MUC4: variants seen among roughly 807,000 people sequenced by gnomAD.
MUC4 encodes mucin 4, cell surface associated, also known as mucin-4.
A neutral mutation model predicts 257.9 loss-of-function variants in MUC4; 202 were observed. The observed-to-expected ratio is 0.78, with a 90% confidence interval of 0.70 to 0.88. MUC4 has a LOEUF of 0.88. Among genes scored for constraint, MUC4 ranks in the 40% least tolerant of loss-of-function variants. The probability of loss-of-function intolerance (pLI) is 0.00; values close to 1 mark genes in which losing one functional copy is unlikely to be tolerated. For synonymous variants in MUC4, 2,351 were observed against 2,757.1 expected (o/e 0.85, Z 4.62); for missense variants, 5,976 against 6,513.7 (o/e 0.92, Z 2.84).
chr3:195,753,458 T>C, intron 19 of MUC4: 1 of 541,530 alleles, frequency 1.8e-6, no homozygotes, highest in Non-Finnish European at 3.2e-6. Flanking sequence ...CTGGAGTGTT[T>C]CTCAGACCCT....
chr3:195,766,767 G>C lies in MUC4; in HGVS notation c.13530-16C>G, dbSNP rs1196419013. On this transcript the variant is annotated splice_polypyrimidine_tract_variant and intron_variant, in intron 7 of 24. Transcript: ENST00000463781. Reference sequence around the variant, plus strand: ...GCCATCTCCACTGCAGGAAAGGAGAGACTCTCAGGCCTCTGCCGTGCACAG... The same window carrying C: ...GCCATCTCCACTGCAGGAAAGGAGACACTCTCAGGCCTCTGCCGTGCACAG... 1 of 1,611,712 alleles carries C rather than the reference G, an allele frequency of 6.2e-7. No homozygotes were observed.
Position 195,779,624 on chromosome 3 carries a change from G to T in MUC4, c.11956C>A (p.Pro3986Thr). 1 of 1,083,880 alleles carries T rather than the reference G, an allele frequency of 9.2e-7. No homozygotes were observed. The highest frequency in any genetic ancestry group is 1.2e-6 in the Non-Finnish European group (1 of 804,460). 67.1% of individuals were successfully genotyped at this position (1,083,880 alleles called of 1,614,324 possible). The change falls in exon 2 of 25, where the codon CCT becomes ACT. Residue 3986 changes from proline to threonine, a missense_variant. Physicochemically the swap from Pro to Thr is conservative, Grantham distance 38 (BLOSUM62 -1). Coordinates refer to ENST00000463781, the MANE Select transcript of MUC4 (RefSeq NM_018406.7). ...SASTGHATPL[P>T]VTDTSSVSTG... Reference sequence around the variant, plus strand: ...GATACTGAGGAAGTGTCGGTGACAGGAAGGGGGGTGGCGTGACCTGTGGAT... The same window carrying T: ...GATACTGAGGAAGTGTCGGTGACAGTAAGGGGGGTGGCGTGACCTGTGGAT...
chr3:195,749,208 A>G, intron 23 of MUC4, 144 bp from the exon 24 acceptor site: 1 of 1,033,592 alleles, frequency 9.7e-7, no homozygotes, highest in Non-Finnish European at 1.4e-6. Context: ...GGACGTTCAG[A>G]TCAGCATGGT....
At chr3:195,791,656 A>G (rs995994432) in intron 1 of MUC4, among the ~76,000 whole-genome samples, 159 bp from the exon 2 acceptor site, 3 of 152,206 alleles carry the variant, frequency 2.0e-5, no homozygotes, top group Admixed American at 2.0e-4. Context: ...TAAAATTCAT[A>G]TGGAATCAAA....
intron 21 of MUC4, chr3:195,751,806 C>T (rs537872136): frequency 5.0e-6 from 1 of 199,022 alleles, no homozygotes; most frequent in South Asian, 1.1e-4. Flanking sequence ...AGGCACTGGA[C>T]TAAATGCTTG....
chr3:195,771,503 G>T, intron 5 of MUC4, 149 bp downstream of exon 5: 1 of 927,200 alleles, frequency 1.1e-6, no homozygotes, highest in Non-Finnish European at 1.6e-6. Context: ...AATGTCCCTT[G>T]ACTGCTTCCT....
At position 195,791,328 on chromosome 3, in the gene MUC4, G is replaced by C. The variant is rs531979630; in HGVS notation, c.252C>G (p.Thr84=). ...GGGTGTCGGTTTGAGCTTTGCTGGTGGTCTCCGTGCTCTTAGTCTGGTGGT... is the reference window on the plus strand; with the variant it reads ...GGGTGTCGGTTTGAGCTTTGCTGGTCGTCTCCGTGCTCTTAGTCTGGTGGT... ...SQNHQTKSTE[T]TSKAQTDTLT... is the part of the protein sequence containing the mutation. The change falls in exon 2 of 25, where the codon ACC becomes ACG. Residue 84 remains threonine (T), a synonymous_variant. Transcript: ENST00000463781. 6.2e-7 allele frequency: 1 copy of C among 1,613,914 alleles called. No homozygotes were observed. Among genetic ancestry groups the C allele is most frequent in the African/African-American group, 1.3e-5 (1 of 74,996 alleles).
intron 14 of MUC4, 26 bp from the exon 15 acceptor site, chr3:195,761,611 C>T (rs746243468): frequency 1.9e-6 from 3 of 1,560,886 alleles, no homozygotes; most frequent in Non-Finnish European, 2.6e-6. Flanking sequence ...GGAGGTTGGC[C>T]ACCCTGGGCA....
intron 16 of MUC4, among the ~76,000 whole-genome samples, chr3:195,759,775 C>G (rs1270093844): frequency 6.6e-6 from 1 of 152,088 alleles, no homozygotes; most frequent in African/African-American, 2.4e-5. Context: ...CAAAATTAGT[C>G]AGGCATGGTG....
At chr3:195,801,220 A>G (rs1735264812) in intron 1 of MUC4, among the ~76,000 whole-genome samples, 1 of 152,156 alleles carries the variant, frequency 6.6e-6, no homozygotes, top group African/African-American at 2.4e-5. Flanking sequence ...GTTCCGTCAG[A>G]TTGTCAGACA....
At chr3:195,770,982 C>A in intron 5 of MUC4, 1 of 363,108 alleles carries the variant, frequency 2.8e-6, no homozygotes, top group Non-Finnish European at 5.6e-6. Context: ...GTCAGTCTCG[C>A]GGCCGGGTTG....
At position 195,791,350 on chromosome 3, in the gene MUC4, T is replaced by A; in HGVS notation, c.230A>T (p.His77Leu). ...NQDISASSQN[H>L]QTKSTETTSK... ...GGTGGTCTCCGTGCTCTTAGTCTGG[T>A]GGTTCTGAGATGAAGCTGATATGTC... Residue 77 changes from histidine (H) to leucine (L), a missense_variant, in exon 2 of 25, where the codon CAC becomes CTC. Around this residue, in one of 44 missense-constraint regions of MUC4, gnomAD observed 1,583 missense variants for 1,257.4 expected, o/e 1.26. Coordinates refer to ENST00000463781, the MANE Select transcript of MUC4 (RefSeq NM_018406.7). 6.2e-7 allele frequency: 1 copy of A among 1,613,936 alleles called. No individual in the cohort carries two copies. Among genetic ancestry groups the A allele is most frequent in the Non-Finnish European group, 8.5e-7 (1 of 1,179,866 alleles).
rs1420038383 is a variant in MUC4, at chr3:195,790,880, T to C, written c.700A>G (p.Thr234Ala). Residue 234 changes from threonine to alanine, a missense_variant, in exon 2 of 25, where the codon ACT (threonine) becomes GCT (alanine). Physicochemically the swap from Thr to Ala is moderately conservative, Grantham distance 58. Transcript: ENST00000463781. Reference sequence around the variant, plus strand: ...GAAGGAGATGTCTTCTGAGAAACAGTCCCTGTCACATTGTGTACACTTGGA... The same window carrying C: ...GAAGGAGATGTCTTCTGAGAAACAGCCCCTGTCACATTGTGTACACTTGGA... ...FSPSVHNVTG[T>A]VSQKTSPSGE... The C allele has an allele frequency of 3.1e-6, 5 of 1,613,882 alleles. No homozygotes were observed. Among genetic ancestry groups the C allele is most frequent in the Non-Finnish European group, 4.2e-6 (5 of 1,179,902 alleles).
chr3:195,750,339 A>T (rs1386063058), intron 23 of MUC4: 4 of 95,688 alleles, frequency 4.2e-5, no homozygotes, highest in Non-Finnish European at 6.2e-5. Flanking sequence ...GGCCTCGGGG[A>T]GGTGCTGGGG....
At chr3:195,798,672 C>A (rs986138347) in intron 1 of MUC4, among the ~76,000 whole-genome samples, 2 of 151,976 alleles carry the variant, frequency 1.3e-5, no homozygotes, top group Non-Finnish European at 1.5e-5. Flanking sequence ...CCACTGCACT[C>A]CTGCCTGGGT....
rs1399869604 is a variant in MUC4 at position 195,780,283 on chromosome 3, G to C, written c.11297C>G (p.Ala3766Gly). Residue 3766 changes from alanine to glycine, a missense_variant, in exon 2 of 25, where the codon GCT becomes GGT. Around this residue, in one of 44 missense-constraint regions of MUC4, gnomAD observed 330 missense variants for 262.0 expected, o/e 1.26. Transcript: ENST00000463781. ...GHATPLLVTD[A>G]SSVSTGHATP... ...GGCGTGACCTGTGGACACTGAGGAA[G>C]CGTCGGTGACAAGAAGAGGGGTGGC... 6 of 1,529,536 alleles carry C rather than the reference G, an allele frequency of 3.9e-6. No homozygotes were observed. The African/African-American group carries it at 4.2e-5, about 11-fold the overall frequency. 94.7% of individuals were successfully genotyped at this position (1,529,536 alleles called of 1,614,324 possible). A position where few individuals can be genotyped will look rare whatever the true frequency, so the allele number is the denominator to read the frequency against.
At position 195,789,759 on chromosome 3, in the gene MUC4, G is replaced by T. The variant is rs3103954; in HGVS notation, c.1821C>A (p.Ser607=). 1,317,554 of 1,613,798 alleles carry T rather than the reference G, an allele frequency of 0.82. 541,220 individuals are homozygous for T. The highest frequency in any genetic ancestry group is 0.97 in the African/African-American group (72,703 of 75,004). The change falls in exon 2 of 25, where the codon TCC becomes TCA. Residue 607 remains serine, a synonymous_variant. Coordinates refer to ENST00000463781, the MANE Select transcript of MUC4 (RefSeq NM_018406.7). ...TTGATGGTGCCGTTGTAATTTGTTG[G>T]GATGTGTGTCTATCCAGCATAGGTG... is the stretch of plus-strand genomic sequence containing the variant. ...SSSPMLDRHT[S]QQITTAPSTN...
intron 4 of MUC4, among the ~76,000 whole-genome samples, chr3:195,773,483 C>A (rs1197161095): frequency 6.9e-6 from 1 of 145,512 alleles, no homozygotes; most frequent in East Asian, 2.0e-4. Flanking sequence ...GGTGTGGACA[C>A]CCTCTCTCTA....
chr3:195,783,021 G>A lies in MUC4; in HGVS notation c.8559C>T (p.Asp2853=), dbSNP rs1219618494. ...SGHTTPLPVT[D]ASSVSTGHAT... is the part of the protein sequence containing the mutation. ...CGTGACCTGTGGACACTGAGGAAGCGTCGGTGACAGGAAGAGGGGTGGTGT... is the reference window on the plus strand; with the variant it reads ...CGTGACCTGTGGACACTGAGGAAGCATCGGTGACAGGAAGAGGGGTGGTGT... The change falls in exon 2 of 25, where the codon GAC becomes GAT. Residue 2853 remains aspartate, a synonymous_variant. Coordinates refer to ENST00000463781, the MANE Select transcript of MUC4 (RefSeq NM_018406.7). 3.8e-5 allele frequency: 46 copies of A among 1,215,472 alleles called. 4 individuals are homozygous for A. Among genetic ancestry groups the A allele is most frequent in the Non-Finnish European group, 4.4e-5 (40 of 901,198 alleles). The allele number at this position is 1,215,472 out of a possible 1,614,324, so 75.3% of individuals were successfully genotyped here.
Sources: gnomAD v4.1 joint callset for allele counts (sites outside exome capture counted in the v4.1 genomes callset) on GRCh38, gnomAD v4.1.1 for gene constraint, gnomAD v4.1.1 regional missense constraint, MANE v1.5 for transcripts, NCBI Gene and HGNC (gene_info 2026-07-23, HGNC 2026-07-21) for gene names.